The following PTPRD variants were observed in gnomAD, a reference collection of about 807,000 sequenced individuals.
PTPRD encodes the protein receptor-type tyrosine-protein phosphatase delta.
In PTPRD, 34 loss-of-function variants were observed where a neutral mutation model predicts 214.5. The ratio of observed to expected loss-of-function variants is 0.16; its 90% confidence interval spans 0.12 to 0.21. The LOEUF (loss-of-function observed/expected upper bound fraction) is 0.21, where lower values mean the gene tolerates loss of function less well. Ranked by LOEUF, PTPRD falls within the 10% of genes least tolerant of loss-of-function variation. The pLI is 1.00. For synonymous variants in PTPRD, 1,128 were observed against 845.7 expected (o/e 1.33, Z -5.79); for missense variants, 2,545 against 2,398.7 (o/e 1.06, Z -1.27).
intron 3 of PTPRD, among the ~76,000 whole-genome samples, chr9:10,081,686 ACC>A (rs2098240483): frequency 6.6e-6 from 1 of 152,026 alleles, no homozygotes; most frequent in Non-Finnish European, 1.5e-5. Flanking sequence ...TTGTGATAGC[ACC>A]CCAAGCAATG....
intron 5 of PTPRD, among the ~76,000 whole-genome samples, chr9:9,803,949 G>C (rs1050849701): frequency 6.6e-6 from 1 of 151,940 alleles, no homozygotes; most frequent in African/African-American, 2.4e-5. Flanking sequence ...AAGTTTATGG[G>C]TGCCTATCTT....
At chr9:10,256,766 T>C (rs1478753992) in intron 3 of PTPRD, among the ~76,000 whole-genome samples, 2 of 152,184 alleles carry the variant, frequency 1.3e-5, no homozygotes, top group African/African-American at 4.8e-5. Context: ...GTATTCATCA[T>C]GTGTCTTTTG....
At chr9:9,256,410 C>A (rs2099977717) in intron 9 of PTPRD, among the ~76,000 whole-genome samples, 1 of 151,304 alleles carries the variant, frequency 6.6e-6, no homozygotes, top group Non-Finnish European at 1.5e-5. Flanking sequence ...CATTTTTTTT[C>A]TCTCTTTTTT....
At chr9:9,164,213 C>G (rs2099896785) in intron 10 of PTPRD, among the ~76,000 whole-genome samples, 1 of 152,056 alleles carries the variant, frequency 6.6e-6, no homozygotes, top group South Asian at 2.1e-4. Context: ...ACAAGATAAT[C>G]AATTTCTTTA....
intron 3 of PTPRD, among the ~76,000 whole-genome samples, chr9:10,285,277 G>A (rs1339551080): frequency 1.7e-5 from 2 of 118,840 alleles, no homozygotes; most frequent in Admixed American, 1.8e-4. Context: ...TTTCACGTGA[G>A]AAAATAAAAG....
At chr9:9,850,015 G>T (rs537568897) in intron 5 of PTPRD, among the ~76,000 whole-genome samples, 4 of 152,028 alleles carry the variant, frequency 2.6e-5, no homozygotes, top group Non-Finnish European at 5.9e-5. Flanking sequence ...CACCAGAGCC[G>T]GATCATGCTT....
chr9:8,565,092 G>C (rs952976204), intron 14 of PTPRD, among the ~76,000 whole-genome samples: 2 of 152,168 alleles, frequency 1.3e-5, no homozygotes, highest in African/African-American at 4.8e-5. Flanking sequence ...ATGACGGGGA[G>C]AGACGAACAT....
chr9:10,383,496 A>G (rs1211083641), intron 2 of PTPRD, among the ~76,000 whole-genome samples: 1 of 151,818 alleles, frequency 6.6e-6, no homozygotes, highest in African/African-American at 2.4e-5. Context: ...CTTATGTTTT[A>G]CTTCAAATGG....
chr9:9,538,106 G>A (rs1334322579), intron 8 of PTPRD, among the ~76,000 whole-genome samples: 1 of 151,830 alleles, frequency 6.6e-6, no homozygotes, highest in Admixed American at 6.6e-5. Context: ...TATACCACTA[G>A]ATCAAATCAG....
chr9:10,315,701 C>T (rs2096402923), intron 3 of PTPRD, among the ~76,000 whole-genome samples: 1 of 151,930 alleles, frequency 6.6e-6, no homozygotes, highest in Admixed American at 6.6e-5. Flanking sequence ...ACATACCTTG[C>T]TCCATTAGCC....
intron 9 of PTPRD, among the ~76,000 whole-genome samples, chr9:9,244,126 A>G (rs1190535143): frequency 2.0e-5 from 3 of 152,124 alleles, no homozygotes; most frequent in African/African-American, 4.8e-5. Context: ...ACTGCTCTAC[A>G]AAATAAAAGA....
At chr9:8,701,765 G>A (rs73427526) in intron 12 of PTPRD, among the ~76,000 whole-genome samples, 1 of 152,054 alleles carries the variant, frequency 6.6e-6, no homozygotes. Flanking sequence ...TAATCTCCCT[G>A]AATACTCTGA....
chr9:9,687,435 G>C (rs1003636988), intron 7 of PTPRD, among the ~76,000 whole-genome samples: 20 of 151,648 alleles, frequency 1.3e-4, no homozygotes, highest in African/African-American at 4.8e-4. Context: ...AACAGCCTTG[G>C]ACTGCCTATG....
intron 8 of PTPRD, among the ~76,000 whole-genome samples, chr9:9,573,271 A>T (rs2087125234): frequency 6.6e-6 from 1 of 151,536 alleles, no homozygotes; most frequent in Non-Finnish European, 1.5e-5. Flanking sequence ...ATACAGAAAA[A>T]GGAGCCTCCT....
At chr9:10,130,099 G>T (rs533933791) in intron 3 of PTPRD, among the ~76,000 whole-genome samples, 1 of 151,436 alleles carries the variant, frequency 6.6e-6, no homozygotes, top group East Asian at 1.9e-4. Context: ...ACCCTCAATG[G>T]CTCCCATTCC....
At chr9:9,870,917 A>G (rs1043752653) in intron 5 of PTPRD, among the ~76,000 whole-genome samples, 1 of 152,130 alleles carries the variant, frequency 6.6e-6, no homozygotes, top group East Asian at 1.9e-4. Context: ...CTTTCTGTAC[A>G]TGTGAAGTTT....
intron 11 of PTPRD, among the ~76,000 whole-genome samples, chr9:8,995,475 T>A (rs1164056935): frequency 6.6e-6 from 1 of 152,182 alleles, no homozygotes; most frequent in South Asian, 2.1e-4. Flanking sequence ...ATGGAGGTGT[T>A]TGAAAATTTC....
At chr9:9,018,200 T>C (rs1217107572) in intron 11 of PTPRD, among the ~76,000 whole-genome samples, 1 of 152,092 alleles carries the variant, frequency 6.6e-6, no homozygotes, top group African/African-American at 2.4e-5. Context: ...CACTATTGGG[T>C]GGTTGTTGTA....
intron 7 of PTPRD, among the ~76,000 whole-genome samples, chr9:9,591,285 C>A: frequency 6.6e-6 from 1 of 151,932 alleles, no homozygotes; most frequent in East Asian, 1.9e-4. Flanking sequence ...TGCAGGCAGC[C>A]TCGGGGACCA....
Sources: gnomAD v4.1 joint callset for allele counts (sites outside exome capture counted in the v4.1 genomes callset) on GRCh38, gnomAD v4.1.1 for gene constraint, MANE v1.5 for transcripts, NCBI Gene and HGNC (gene_info 2026-07-23, HGNC 2026-07-21) for gene names.